The following NPNT variants were observed in gnomAD, a reference collection of about 807,000 sequenced individuals.
The protein encoded by NPNT is preosteoblast EGF-like repeat protein with MAM domain.
Under a neutral mutation model 68.6 loss-of-function variants are expected in NPNT, and 45 were observed. That is an observed-to-expected ratio of 0.66 (90% CI 0.52 to 0.84). NPNT has a LOEUF of 0.84. Among genes scored for constraint, NPNT ranks in the 40% least tolerant of loss-of-function variants. NPNT has a pLI of 0.00. For synonymous variants in NPNT, 233 were observed against 253.3 expected (o/e 0.92, Z 0.76); for missense variants, 672 against 714.8 (o/e 0.94, Z 0.68).
intron 10 of NPNT, among the ~76,000 whole-genome samples, chr4:105,959,761 T>A (rs1045921972): frequency 5.9e-5 from 9 of 151,798 alleles, no homozygotes; most frequent in African/African-American, 1.9e-4. Flanking sequence ...TCATAAGACA[T>A]CTTTTCTTCT....
In NPNT at chr4:105,938,327, T is replaced by C. The variant is rs1320537161; in HGVS notation, c.412T>C (p.Cys138Arg). The change falls in exon 5 of 12, where the codon TGT (cysteine) becomes CGT (arginine). Residue 138 changes from cysteine (C) to arginine (R), a missense_variant. Coordinates refer to ENST00000379987, the MANE Select transcript of NPNT (RefSeq NM_001033047.3). ...SSALTCSMANCQYGCDVVKGQ... is the reference protein window; with the variant it reads ...SSALTCSMANRQYGCDVVKGQ... ...TGCCCTGACCTGCTCCATGGCAAAC[T>C]GTCAGTATGGCTGTGATGTTGTTAA... 14 of 1,613,610 alleles carry C rather than the reference T, an allele frequency of 8.7e-6. No homozygotes were observed. Among genetic ancestry groups the C allele is most frequent in the Non-Finnish European group, 1.2e-5 (14 of 1,179,750 alleles).
intron 2 of NPNT, chr4:105,912,178 T>C: frequency 6.5e-7 from 1 of 1,531,536 alleles, no homozygotes; most frequent in Non-Finnish European, 8.7e-7. Context: ...TTTGGACATT[T>C]GTTTTGCAGC....
At chr4:105,959,966 T>C (rs112774498) in intron 10 of NPNT, among the ~76,000 whole-genome samples, 5,747 of 152,140 alleles carry the variant, frequency 0.038, 145 homozygotes, top group Non-Finnish European at 0.062. Flanking sequence ...TGTGCCACCA[T>C]GCCCGGCTAA....
intron 2 of NPNT, among the ~76,000 whole-genome samples, chr4:105,926,522 A>G (rs562139085): frequency 6.6e-6 from 1 of 152,286 alleles, no homozygotes; most frequent in East Asian, 1.9e-4. Context: ...ACAACCAAAA[A>G]TGTCTCCAGA....
chr4:105,937,862 T>A (rs1180726503), intron 4 of NPNT, among the ~76,000 whole-genome samples: 1 of 152,194 alleles, frequency 6.6e-6, no homozygotes. Context: ...TAAAATAAAG[T>A]TAGCTAATTT....
In NPNT at chr4:105,971,065, G is replaced by A; in HGVS notation, c.*2075G>A. 1 of 422,514 alleles carries A rather than the reference G, an allele frequency of 2.4e-6. No individual in the cohort carries two copies. Among genetic ancestry groups the A allele is most frequent in the African/African-American group, 2.1e-5 (1 of 48,484 alleles). The allele number at this position is 422,514 out of a possible 1,614,324, so 26.2% of individuals were successfully genotyped here. A position where few individuals can be genotyped will look rare whatever the true frequency, so the allele number is the denominator to read the frequency against. ...ATGTTTCTTCATGTTAAAGGTATAAGCCTTTCATTTGTTCAATGGATGATG... is the reference window on the plus strand; with the variant it reads ...ATGTTTCTTCATGTTAAAGGTATAAACCTTTCATTTGTTCAATGGATGATG... On this transcript the variant is annotated 3_prime_UTR_variant, in exon 12 of 12. Coordinates refer to ENST00000379987, the MANE Select transcript of NPNT (RefSeq NM_001033047.3).
At chr4:105,928,444 T>C (rs1728852166) in intron 3 of NPNT, among the ~76,000 whole-genome samples, 1 of 151,898 alleles carries the variant, frequency 6.6e-6, no homozygotes, top group Non-Finnish European at 1.5e-5. Context: ...AGAAACCCCA[T>C]CTCTACTAAA....
chr4:105,919,866 TAGTA>T (rs1439058215), intron 2 of NPNT, among the ~76,000 whole-genome samples: 1 of 152,028 alleles, frequency 6.6e-6, no homozygotes, highest in Non-Finnish European at 1.5e-5. Flanking sequence ...TCTTTGTAAT[TAGTA>T]AGTAACCTGT....
intron 2 of NPNT, among the ~76,000 whole-genome samples, chr4:105,911,202 C>G (rs975296044): frequency 4.6e-5 from 7 of 151,622 alleles, no homozygotes; most frequent in Non-Finnish European, 8.8e-5. Flanking sequence ...CAGTAGAAAC[C>G]TGACCAATAT....
intron 10 of NPNT, among the ~76,000 whole-genome samples, chr4:105,962,965 C>G (rs1244761423): frequency 6.6e-6 from 1 of 152,012 alleles, no homozygotes; most frequent in Non-Finnish European, 1.5e-5. Context: ...TGGCTCACCC[C>G]TGTAATCCCA....
intron 8 of NPNT, 38 bp from the exon 9 acceptor site, chr4:105,958,433 A>ACG: frequency 8.1e-7 from 1 of 1,230,030 alleles, no homozygotes; most frequent in Non-Finnish European, 1.2e-6. Flanking sequence ...TACTTCACAC[A>ACG]CACACACACA....
intron 3 of NPNT, among the ~76,000 whole-genome samples, chr4:105,929,153 C>T (rs1427599983): frequency 6.6e-6 from 1 of 151,970 alleles, no homozygotes; most frequent in Non-Finnish European, 1.5e-5. Context: ...TCCCTGTGTC[C>T]GTGTGTTCTC....
chr4:105,918,912 G>GT (rs1379209921), intron 2 of NPNT, among the ~76,000 whole-genome samples: 2 of 152,100 alleles, frequency 1.3e-5, no homozygotes, highest in African/African-American at 4.8e-5. Context: ...AATGAATCTT[G>GT]TGAGTTTACT....
chr4:105,898,350 C>G (rs577579985), intron 2 of NPNT, among the ~76,000 whole-genome samples: 1 of 141,302 alleles, frequency 7.1e-6, no homozygotes, highest in East Asian at 2.0e-4. Flanking sequence ...CTCTCTCTCT[C>G]TCTCTCTCTC....
rs770489806 is a variant in NPNT at position 105,967,422 on chromosome 4, T to C, written c.1580T>C (p.Leu527Ser). 13 of 1,595,372 alleles carry C rather than the reference T, an allele frequency of 8.1e-6. No homozygotes were observed. The highest frequency in any genetic ancestry group is 1.1e-5 in the South Asian group (1 of 87,158). ...GHGWRQTQIT[L>S]RGADIKSVVF... The stretch of plus-strand genomic sequence containing the variant: ...GGCTGGAGGCAAACACAGATCACCT[T>C]GCGAGGGGCTGACATCAAGAGCGTA... The change falls in exon 11 of 12, where the codon TTG becomes TCG. Residue 527 changes from leucine to serine, a missense_variant. Coordinates refer to ENST00000379987, the MANE Select transcript of NPNT (RefSeq NM_001033047.3).
At chr4:105,937,382 T>C (rs1305681056) in intron 4 of NPNT, among the ~76,000 whole-genome samples, 2 of 151,784 alleles carry the variant, frequency 1.3e-5, no homozygotes, top group African/African-American at 2.4e-5. Flanking sequence ...AAACTAAGTA[T>C]GTTTTCTAAT....
intron 2 of NPNT, among the ~76,000 whole-genome samples, chr4:105,910,259 A>G (rs755366284): frequency 9.2e-5 from 14 of 152,118 alleles, no homozygotes; most frequent in Admixed American, 1.3e-4. Flanking sequence ...AATTCCAACC[A>G]CGTATAGTAA....
intron 3 of NPNT, among the ~76,000 whole-genome samples, chr4:105,932,308 A>G (rs936735255): frequency 6.6e-6 from 1 of 152,184 alleles, no homozygotes; most frequent in Non-Finnish European, 1.5e-5. Flanking sequence ...GTATGACTAA[A>G]TAATACTTTT....
intron 2 of NPNT, among the ~76,000 whole-genome samples, chr4:105,914,178 A>T (rs1406092668): frequency 6.7e-6 from 1 of 149,920 alleles, no homozygotes; most frequent in African/African-American, 2.5e-5. Flanking sequence ...GACTTCATGA[A>T]CTCAATGGTA....
Sources: gnomAD v4.1 joint callset for allele counts (sites outside exome capture counted in the v4.1 genomes callset) on GRCh38, gnomAD v4.1.1 for gene constraint, MANE v1.5 for transcripts, NCBI Gene and HGNC (gene_info 2026-07-23, HGNC 2026-07-21) for gene names.